Variants in RBL2 observed in about 807,000 individuals in gnomAD.
RBL2 encodes the protein RB transcriptional corepressor like 2, also known as retinoblastoma-like protein 2.
Under a neutral mutation model 126.0 loss-of-function variants are expected in RBL2, and 56 were observed. That is an observed-to-expected ratio of 0.44 (90% CI 0.36 to 0.56). The LOEUF (loss-of-function observed/expected upper bound fraction) is 0.56, where lower values mean the gene tolerates loss of function less well. Ranked by LOEUF, RBL2 falls within the 20% of genes least tolerant of loss-of-function variation. The pLI is 0.00. For synonymous variants in RBL2, 454 were observed against 478.5 expected (o/e 0.95, Z 0.67); for missense variants, 1,229 against 1,398.2 (o/e 0.88, Z 1.93).
At chr16:53,435,757 TATG>T (rs2057952881) in intron 1 of RBL2, 2 of 1,285,288 alleles carry the variant, frequency 1.6e-6, no homozygotes, top group Non-Finnish European at 1.0e-6. Context: ...ATTATTTAAA[TATG>T]ATGTTTTTGG....
At position 53,479,203 on chromosome 16, in the gene RBL2, C is replaced by T; in HGVS notation, c.2753C>T (p.Thr918Ile). ...SFQNIMRCYRTQPQARSQVYR... is the reference protein window; with the variant it reads ...SFQNIMRCYRIQPQARSQVYR... Reference sequence around the variant, plus strand: ...CAGAACATTATGCGTTGTTATAGGACTCAGCCGCAGGCCCGGAGCCAGGTA... The same window carrying T: ...CAGAACATTATGCGTTGTTATAGGATTCAGCCGCAGGCCCGGAGCCAGGTA... The change falls in exon 18 of 22, where the codon ACT becomes ATT. Residue 918 changes from threonine to isoleucine, a missense_variant. Transcript: ENST00000262133. 6.2e-7 allele frequency: 1 copy of T among 1,613,902 alleles called. No homozygotes were observed. Among genetic ancestry groups the T allele is most frequent in the South Asian group, 1.1e-5 (1 of 91,076 alleles).
Position 53,439,954 on chromosome 16 carries a change from CA to C in RBL2, c.371+832del, listed in dbSNP as rs10591959. Among the ~76,000 whole-genome samples the C allele has an allele frequency of 1.3e-3, 118 of 91,934 alleles. 1 individual carries two copies. Among genetic ancestry groups the C allele is most frequent in the Middle Eastern group, 5.5e-3 (1 of 182 alleles). The allele number at this position is 91,934 out of a possible 152,430, so 60.3% of individuals were successfully genotyped here. On this transcript the variant is annotated intron_variant, in intron 2 of 21. Transcript: ENST00000262133. ...GGGCCACAGAGCAAGACCTTGTCTC[CA>C]AAAAAAAAAAAAAAAAAAAAAAAGA...
At chr16:53,453,678 A>T in intron 6 of RBL2, 27 bp from the exon 7 acceptor site, 1 of 1,604,916 alleles carries the variant, frequency 6.2e-7, no homozygotes, top group Non-Finnish European at 8.5e-7. Flanking sequence ...TAACATGACG[A>T]CTTAAGGATC....
chr16:53,470,568 T>G lies in RBL2; in HGVS notation c.2431T>G (p.Ser811Ala). ...TGGTCAAGTGGCCATTCAACAGATTTCCCCAGGTGGCCAACAGCAGAAGCA... is the reference window on the plus strand; with the variant it reads ...TGGTCAAGTGGCCATTCAACAGATTGCCCCAGGTGGCCAACAGCAGAAGCA... ...VPGQVAIQQI[S>A]PGGQQQKQGQ... Residue 811 changes from serine (S) to alanine (A), a missense_variant, in exon 16 of 22, where the codon TCC (serine) becomes GCC (alanine). Coordinates refer to ENST00000262133, the MANE Select transcript of RBL2 (RefSeq NM_005611.4). 2 of 1,614,110 alleles carry G rather than the reference T, an allele frequency of 1.2e-6. No individual in the cohort carries two copies. The highest frequency in any genetic ancestry group is 1.3e-5 in the African/African-American group (1 of 75,012).
chr16:53,485,017 CTG>C (rs1961107638), intron 21 of RBL2, among the ~76,000 whole-genome samples: 2 of 143,286 alleles, frequency 1.4e-5, no homozygotes, highest in South Asian at 2.2e-4. Flanking sequence ...AAAAAAAAAA[CTG>C]GTAGTCAAGA....
rs1211006183 is a variant in RBL2, at chr16:53,488,104, CTG to C, written c.3250-2024_3250-2023del. On this transcript the variant is annotated intron_variant, in intron 21 of 21. Coordinates refer to ENST00000262133, the MANE Select transcript of RBL2 (RefSeq NM_005611.4). ...TGTTTAGACAAAATCACGTACATGA[CTG>C]TTTATAGTGACTTTCTTCCTAATTG... The C allele has an allele frequency of 3.9e-5, 6 of 152,322 alleles. No individual in the cohort carries two copies. In the South Asian group the frequency reaches 1.0e-3, roughly 26 times the overall value. The allele number at this position is 152,322 out of a possible 1,614,324, so 9.4% of individuals were successfully genotyped here. A position where few individuals can be genotyped will look rare whatever the true frequency, so the allele number is the denominator to read the frequency against.
At chr16:53,472,408 A>G (rs937825540) in intron 17 of RBL2, among the ~76,000 whole-genome samples, 2 of 152,204 alleles carry the variant, frequency 1.3e-5, no homozygotes, top group African/African-American at 4.8e-5. Context: ...CAGTTTCTCC[A>G]CATCCTTGCC....
chr16:53,435,389 C>T (rs2057948409), intron 1 of RBL2, among the ~76,000 whole-genome samples: 1 of 152,182 alleles, frequency 6.6e-6, no homozygotes. Context: ...CGGATGTAGA[C>T]ACATGCCCCC....
rs190516690 is a variant in RBL2, at chr16:53,450,973, T to C, written c.638-730T>C. On this transcript the variant is annotated intron_variant, in intron 4 of 21. Coordinates refer to ENST00000262133, the MANE Select transcript of RBL2 (RefSeq NM_005611.4). The stretch of plus-strand genomic sequence containing the variant: ...AAAAATGTATATGAGAATAATTAAG[T>C]GAATTATTTTTTCGGCTGTCTCCTA... Among the ~76,000 whole-genome samples, 26 of 152,024 alleles carry C rather than the reference T, an allele frequency of 1.7e-4. No individual in the cohort carries two copies. The East Asian group carries it at 5.1e-3, about 30-fold the overall frequency.
intron 14 of RBL2, among the ~76,000 whole-genome samples, chr16:53,469,441 TGGC>T (rs1410780150): frequency 3.3e-5 from 5 of 152,312 alleles, no homozygotes; most frequent in Admixed American, 6.5e-5. Context: ...ATAAAACCGG[TGGC>T]GGAATGCTCC....
At chr16:53,441,632 A>G (rs2058017169) in intron 2 of RBL2, among the ~76,000 whole-genome samples, 1 of 152,202 alleles carries the variant, frequency 6.6e-6, no homozygotes, top group Non-Finnish European at 1.5e-5. Flanking sequence ...GTATGATAGC[A>G]TTTATATAAA....
intron 21 of RBL2, among the ~76,000 whole-genome samples, chr16:53,484,062 C>G (rs1961063786): frequency 6.6e-6 from 1 of 152,108 alleles, no homozygotes; most frequent in Non-Finnish European, 1.5e-5. Flanking sequence ...TATACTTTCT[C>G]TGTTATATAG....
At chr16:53,464,161 A>G in intron 11 of RBL2, 65 bp from the exon 12 acceptor site, 1 of 1,296,296 alleles carries the variant, frequency 7.7e-7, no homozygotes, top group East Asian at 2.7e-5. Context: ...ACTTAAGTTC[A>G]CTGGGTATGA....
Position 53,481,741 on chromosome 16 carries a change from A to G in RBL2, c.3155A>G (p.Gln1052Arg), listed in dbSNP as rs1307395846. 1 of 1,603,610 alleles carries G rather than the reference A, an allele frequency of 6.2e-7. No individual in the cohort carries two copies. Among genetic ancestry groups the G allele is most frequent in the Admixed American group, 1.7e-5 (1 of 59,978 alleles). Reference sequence around the variant, plus strand: ...TCCCCTCGCCGAATACAGTTGTCTCAAAATCATCCTGTCTACATTTCCCCA... The same window carrying G: ...TCCCCTCGCCGAATACAGTTGTCTCGAAATCATCCTGTCTACATTTCCCCA... The part of the protein sequence containing the change: ...TGSPRRIQLS[Q>R]NHPVYISPHK... Residue 1052 changes from glutamine (Q) to arginine (R), a missense_variant, in exon 21 of 22, where the codon CAA becomes CGA. Around this residue, in one of 2 missense-constraint regions of RBL2, gnomAD observed 1,070 missense variants for 1,274.3 expected, o/e 0.84. Transcript: ENST00000262133.
intron 20 of RBL2, chr16:53,481,381 C>A (rs1188779015): frequency 7.1e-6 from 2 of 282,182 alleles, no homozygotes; most frequent in African/African-American, 2.3e-5. Context: ...TTCTCTGTAC[C>A]TCATTTCCTC....
In RBL2 at chr16:53,462,626, CA is replaced by C; in HGVS notation, c.1537del (p.Arg513AspfsTer2). On this transcript the variant is annotated frameshift_variant, in exon 11 of 22. Transcript: ENST00000262133. LOFTEE classifies it high-confidence loss of function. ...KVLESVIEQE[Q>X]KRLGDMDLSG... ...ATTAGAATCTGTTATTGAGCAGGAA[CA>C]AAAAAGACTAGGAGACATGGATTTA... 4.5e-6 allele frequency: 7 copies of C among 1,563,206 alleles called. No individual in the cohort carries two copies. Among genetic ancestry groups the C allele is most frequent in the Admixed American group, 2.1e-5 (1 of 47,424 alleles).
Position 53,434,536 on chromosome 16 carries a change from C to A in RBL2, c.-21C>A. The A allele has an allele frequency of 7.0e-7, 1 of 1,432,552 alleles. No homozygotes were observed. Among genetic ancestry groups the A allele is most frequent in the Non-Finnish European group, 9.1e-7 (1 of 1,099,334 alleles). The allele number at this position is 1,432,552 out of a possible 1,614,324, so 88.7% of individuals were successfully genotyped here. A position where few individuals can be genotyped will look rare whatever the true frequency, so the allele number is the denominator to read the frequency against. ...CCCGGGCCCTCACCTCACCTGAGGTCCGGCCGCCCAGGGGTGCGCTATGCC... is the reference window on the plus strand; with the variant it reads ...CCCGGGCCCTCACCTCACCTGAGGTACGGCCGCCCAGGGGTGCGCTATGCC... On this transcript the variant is annotated 5_prime_UTR_variant, in exon 1 of 22. Coordinates refer to ENST00000262133, the MANE Select transcript of RBL2 (RefSeq NM_005611.4).
chr16:53,450,905 T>TGC (rs1408566539), intron 4 of RBL2, among the ~76,000 whole-genome samples: 2 of 151,938 alleles, frequency 1.3e-5, no homozygotes, highest in Admixed American at 6.6e-5. Flanking sequence ...ATCGTGCCAC[T>TGC]GCACTCCAGC....
chr16:53,483,556 G>A (rs1202022424), intron 21 of RBL2, among the ~76,000 whole-genome samples: 1 of 151,560 alleles, frequency 6.6e-6, no homozygotes, highest in East Asian at 2.0e-4. Flanking sequence ...AAAAAAAGTT[G>A]AGGAAAACAA....
Sources: allele counts gnomAD v4.1 joint callset (sites outside exome capture counted in the v4.1 genomes callset), GRCh38; gene constraint gnomAD v4.1.1; regional missense constraint gnomAD v4.1.1; transcripts MANE v1.5; gene names NCBI Gene and HGNC (gene_info 2026-07-23, HGNC 2026-07-21).